COL23A1: variants seen among roughly 807,000 people sequenced by gnomAD.
The protein encoded by COL23A1 is collagen type XXIII alpha 1 chain.
COL23A1 carries 97 observed loss-of-function variants against 99.3 expected under a neutral mutation model. The ratio of observed to expected loss-of-function variants is 0.98; its 90% confidence interval spans 0.83 to 1.16. The LOEUF is 1.16. COL23A1 is among the 50% of genes most tolerant of loss of function. The pLI is 0.00. For synonymous variants in COL23A1, 320 were observed against 308.2 expected (o/e 1.04, Z -0.40); for missense variants, 762 against 757.4 (o/e 1.01, Z -0.07).
At chr5:178,474,830 T>A (rs1756943731) in intron 2 of COL23A1, among the ~76,000 whole-genome samples, 2 of 152,328 alleles carry the variant, frequency 1.3e-5, no homozygotes, top group African/African-American at 4.8e-5. Flanking sequence ...CGGATAGTAA[T>A]AAGCACTGTA....
chr5:178,262,850 G>A (rs1001269107), intron 9 of COL23A1, among the ~76,000 whole-genome samples: 3 of 152,156 alleles, frequency 2.0e-5, no homozygotes, highest in Non-Finnish European at 4.4e-5. Flanking sequence ...GTCAGAGTCT[G>A]TAAGGTTCAG....
At chr5:178,423,595 C>A (rs1015113985) in intron 2 of COL23A1, among the ~76,000 whole-genome samples, 7 of 152,156 alleles carry the variant, frequency 4.6e-5, no homozygotes, top group Admixed American at 3.9e-4. Flanking sequence ...GGGGATGTGA[C>A]CTCACTGTAA....
intron 1 of COL23A1, chr5:178,562,744 G>A (rs1020681928): frequency 7.0e-6 from 1 of 143,548 alleles, no homozygotes; most frequent in Admixed American, 6.9e-5. Flanking sequence ...GGTGGGGGGG[G>A]TGCGGGCTTT....
chr5:178,503,891 G>C (rs1229444287), intron 2 of COL23A1, among the ~76,000 whole-genome samples: 1 of 152,154 alleles, frequency 6.6e-6, no homozygotes, highest in Admixed American at 6.5e-5. Context: ...CAGAGCCCTG[G>C]GCTAGGTCCG....
chr5:178,323,115 G>A (rs903264401), intron 2 of COL23A1, among the ~76,000 whole-genome samples: 1 of 152,030 alleles, frequency 6.6e-6, no homozygotes, highest in Non-Finnish European at 1.5e-5. Flanking sequence ...TGGATCTGGG[G>A]CAGCAGAAGG....
chr5:178,297,323 C>T (rs1001281976), intron 3 of COL23A1, among the ~76,000 whole-genome samples: 1 of 152,188 alleles, frequency 6.6e-6, no homozygotes, highest in Non-Finnish European at 1.5e-5. Context: ...GAGTTAGAGA[C>T]CAGCTTGGCC....
chr5:178,249,716 A>ACACACACACTCTCTCTCTCTCT, intron 18 of COL23A1, among the ~76,000 whole-genome samples: 7 of 92,806 alleles, frequency 7.5e-5, no homozygotes, highest in African/African-American at 2.6e-4. Context: ...ACACACACAC[A>ACACACACACTCTCTCTCTCTCT]CTCTCTCTCT....
At chr5:178,495,275 G>A (rs146255836) in intron 2 of COL23A1, among the ~76,000 whole-genome samples, 77 of 152,334 alleles carry the variant, frequency 5.1e-4, no homozygotes, top group Non-Finnish European at 8.8e-4. Flanking sequence ...GACTAGTGAG[G>A]CCATGATGAA....
chr5:178,514,220 G>A (rs948505357), intron 2 of COL23A1, among the ~76,000 whole-genome samples: 4 of 152,182 alleles, frequency 2.6e-5, no homozygotes, highest in African/African-American at 9.7e-5. Context: ...GTCCATCCAT[G>A]CTGGAACATG....
intron 18 of COL23A1, among the ~76,000 whole-genome samples, chr5:178,249,612 C>T (rs865839621): frequency 1.3e-5 from 2 of 151,898 alleles, no homozygotes; most frequent in Non-Finnish European, 1.5e-5. Flanking sequence ...ACACACACTG[C>T]GGACCCAGTG....
intron 2 of COL23A1, among the ~76,000 whole-genome samples, chr5:178,489,078 G>A (rs1757790709): frequency 6.6e-6 from 1 of 152,232 alleles, no homozygotes; most frequent in South Asian, 2.1e-4. Context: ...GGGGTCCCTA[G>A]ATGGCTGGTG....
chr5:178,264,145 AACAC>A (rs1288474039), intron 8 of COL23A1, among the ~76,000 whole-genome samples: 1 of 152,060 alleles, frequency 6.6e-6, no homozygotes, highest in African/African-American at 2.4e-5. Context: ...AATTGCACAG[AACAC>A]ACAAACGAGT....
intron 3 of COL23A1, among the ~76,000 whole-genome samples, chr5:178,297,033 T>C (rs573158532): frequency 6.6e-6 from 1 of 152,358 alleles, no homozygotes; most frequent in East Asian, 1.9e-4. Context: ...CCAGCCTTCC[T>C]GCATGGCCCA....
chr5:178,368,671 C>T (rs927843774), intron 2 of COL23A1, among the ~76,000 whole-genome samples: 1 of 152,054 alleles, frequency 6.6e-6, no homozygotes, highest in Non-Finnish European at 1.5e-5. Context: ...AAGCCATCGG[C>T]CTCCAGAAGC....
chr5:178,344,756 C>T (rs747735747), intron 2 of COL23A1: 7 of 444,258 alleles, frequency 1.6e-5, no homozygotes, highest in Non-Finnish European at 2.9e-5. Context: ...AAACAGAGGG[C>T]CTACTGTATG....
intron 1 of COL23A1, among the ~76,000 whole-genome samples, chr5:178,574,473 G>T (rs908182050): frequency 5.9e-5 from 9 of 152,106 alleles, no homozygotes; most frequent in Non-Finnish European, 1.0e-4. Flanking sequence ...ATCCCACAAG[G>T]AAACCGTGCC....
intron 2 of COL23A1, among the ~76,000 whole-genome samples, chr5:178,509,334 C>A (rs1759067395): frequency 6.6e-6 from 1 of 152,142 alleles, no homozygotes. Context: ...CAATTCTCTG[C>A]CTCAGCCTCC....
chr5:178,572,066 T>TCAAAA (rs1763133248), intron 1 of COL23A1, among the ~76,000 whole-genome samples: 1 of 54,728 alleles, frequency 1.8e-5, no homozygotes, highest in Non-Finnish European at 3.0e-5. Flanking sequence ...AGACTCTTTC[T>TCAAAA]CAAAACAAAA....
chr5:178,507,770 G>A (rs375693046), intron 2 of COL23A1, among the ~76,000 whole-genome samples: 5 of 152,232 alleles, frequency 3.3e-5, no homozygotes, highest in African/African-American at 9.6e-5. Flanking sequence ...TTTGTCATCA[G>A]ATTTCGGAAA....
Sources: allele counts gnomAD v4.1 joint callset (sites outside exome capture counted in the v4.1 genomes callset), GRCh38; gene constraint gnomAD v4.1.1; transcripts MANE v1.5; gene names NCBI Gene and HGNC (gene_info 2026-07-23, HGNC 2026-07-21).